PTCHD4: variants seen among roughly 807,000 people sequenced by gnomAD.
The protein encoded by PTCHD4 is patched domain-containing protein 4.
Under a neutral mutation model 58.1 loss-of-function variants are expected in PTCHD4, and 33 were observed. That is an observed-to-expected ratio of 0.57 (90% CI 0.43 to 0.76). The LOEUF (loss-of-function observed/expected upper bound fraction) is 0.76, where lower values mean the gene tolerates loss of function less well. Ranked by LOEUF, PTCHD4 falls within the 30% of genes least tolerant of loss-of-function variation. The pLI is 0.00. For synonymous variants in PTCHD4, 478 were observed against 409.6 expected, an observed-to-expected ratio of 1.17 and a Z score of -2.02; for missense variants, 1,058 against 1,027.1, an observed-to-expected ratio of 1.03 and a Z score of -0.41.
chr6:47,971,612 G>T (rs147277247), intron 4 of PTCHD4, among the ~76,000 whole-genome samples: 1 of 152,168 alleles, frequency 6.6e-6, no homozygotes, highest in Non-Finnish European at 1.5e-5. Context: ...CTGATGTGCA[G>T]CCAAATTATC....
At position 47,868,625 on chromosome 6, in the gene PTCHD4, C is replaced by A. The variant is rs2114073801; in HGVS notation, c.*9678G>T. Among the ~76,000 whole-genome samples the A allele has an allele frequency of 6.6e-6, 1 of 151,850 alleles. No individual in the cohort carries two copies. Among genetic ancestry groups the A allele is most frequent in the South Asian group, 2.1e-4 (1 of 4,828 alleles). On this transcript the variant is annotated 3_prime_UTR_variant, in exon 5 of 5. Transcript: ENST00000339488. ...TTAAAATAAAATCAGTGGAGAATTT[C>A]AACTTGAAGCACATATAAATGACAA... is the stretch of plus-strand genomic sequence containing the variant.
At chr6:47,953,645 C>T (rs535182054) in intron 4 of PTCHD4, among the ~76,000 whole-genome samples, 18 of 152,000 alleles carry the variant, frequency 1.2e-4, no homozygotes, top group East Asian at 5.8e-4. Context: ...AATGAAGCCA[C>T]GTGTATCTCG....
At chr6:47,962,887 C>A (rs1016586698) in intron 4 of PTCHD4, among the ~76,000 whole-genome samples, 1 of 150,556 alleles carries the variant, frequency 6.6e-6, no homozygotes. Context: ...ATGCCAGGTG[C>A]GGTGGCTCAC....
At chr6:48,050,443 G>A (rs911872909) in intron 3 of PTCHD4, among the ~76,000 whole-genome samples, 8 of 151,970 alleles carry the variant, frequency 5.3e-5, no homozygotes, top group Non-Finnish European at 1.2e-4. Flanking sequence ...GGAACTATAT[G>A]GCTGGTCAAT....
intron 4 of PTCHD4, among the ~76,000 whole-genome samples, chr6:47,998,986 C>G (rs566056685): frequency 9.2e-5 from 14 of 152,242 alleles, no homozygotes; most frequent in South Asian, 4.2e-4. Context: ...ATAAAAGCCA[C>G]CAATAAGTCA....
chr6:48,014,269 A>C (rs949614633), intron 3 of PTCHD4, among the ~76,000 whole-genome samples: 2 of 152,164 alleles, frequency 1.3e-5, no homozygotes, highest in Non-Finnish European at 2.9e-5. Flanking sequence ...ACTTTTGTAC[A>C]TTATTTGTAT....
At chr6:48,011,646 C>A (rs992291475) in intron 3 of PTCHD4, among the ~76,000 whole-genome samples, 17 of 152,032 alleles carry the variant, frequency 1.1e-4, no homozygotes, top group Admixed American at 5.2e-4. Context: ...AGGTCTTTGC[C>A]CATGCCTATG....
At chr6:48,109,182 T>G (rs1223336585) in intron 1 of PTCHD4, among the ~76,000 whole-genome samples, 1 of 152,116 alleles carries the variant, frequency 6.6e-6, no homozygotes, top group Non-Finnish European at 1.5e-5. Flanking sequence ...TGTAAGGGAC[T>G]TATGAGTTGT....
Position 47,879,446 on chromosome 6 carries a change from A to G in PTCHD4, c.1389T>C (p.Phe463=). 6.2e-7 allele frequency: 1 copy of G among 1,613,696 alleles called. No homozygotes were observed. The highest frequency in any genetic ancestry group is 8.5e-7 in the Non-Finnish European group (1 of 1,179,748). The change falls in exon 5 of 5, where the codon TTT becomes TTC. Residue 463 remains phenylalanine (F), a synonymous_variant. Coordinates refer to ENST00000339488, the MANE Select transcript of PTCHD4 (RefSeq NM_001384253.1). ...EWITNIYVKP[F]VVILYLIYAS... ...CATAAATGAGATAGAGGATGACAACAAATGGCTTCACATATATATTGGTAA... is the reference window on the plus strand; with the variant it reads ...CATAAATGAGATAGAGGATGACAACGAATGGCTTCACATATATATTGGTAA...
intron 3 of PTCHD4, among the ~76,000 whole-genome samples, chr6:48,038,933 A>T (rs1763744551): frequency 6.6e-6 from 1 of 152,192 alleles, no homozygotes; most frequent in Non-Finnish European, 1.5e-5. Flanking sequence ...TAAGATTCTT[A>T]CTTATTCTGT....
intron 3 of PTCHD4, among the ~76,000 whole-genome samples, chr6:48,049,550 C>T (rs1451910350): frequency 2.6e-5 from 4 of 151,952 alleles, no homozygotes; most frequent in African/African-American, 4.8e-5. Context: ...TCTTGCATTT[C>T]TCCACCTGAT....
intron 4 of PTCHD4, among the ~76,000 whole-genome samples, chr6:47,913,341 T>G (rs921955064): frequency 3.9e-5 from 6 of 152,108 alleles, no homozygotes; most frequent in African/African-American, 1.4e-4. Flanking sequence ...TCATATTTAT[T>G]TCCTCTAATG....
chr6:47,959,086 A>G (rs188924348), intron 4 of PTCHD4, among the ~76,000 whole-genome samples: 1 of 152,376 alleles, frequency 6.6e-6, no homozygotes, highest in East Asian at 1.9e-4. Flanking sequence ...TAAAAGAAGC[A>G]GGAAAATATG....
At chr6:48,029,684 G>T (rs778476053) in intron 3 of PTCHD4, among the ~76,000 whole-genome samples, 12 of 152,000 alleles carry the variant, frequency 7.9e-5, no homozygotes, top group Non-Finnish European at 1.5e-4. Flanking sequence ...CTTATTGAGT[G>T]TTCTTATTTT....
chr6:48,045,836 A>G (rs1260966917), intron 3 of PTCHD4, among the ~76,000 whole-genome samples: 2 of 149,964 alleles, frequency 1.3e-5, no homozygotes, highest in South Asian at 2.1e-4. Flanking sequence ...ACTTTAACGC[A>G]TCTTCATTCC....
chr6:47,922,786 C>T (rs1375179532), intron 4 of PTCHD4, among the ~76,000 whole-genome samples: 1 of 152,164 alleles, frequency 6.6e-6, no homozygotes, highest in Admixed American at 6.5e-5. Context: ...GAGCTCAGTC[C>T]CTTGGATTCA....
At chr6:47,973,104 G>A (rs1255073891) in intron 4 of PTCHD4, among the ~76,000 whole-genome samples, 1 of 152,010 alleles carries the variant, frequency 6.6e-6, no homozygotes, top group Non-Finnish European at 1.5e-5. Flanking sequence ...TCAGAAATGT[G>A]TGCTTAACTT....
Position 47,953,080 on chromosome 6 carries a change from T to TGAG in PTCHD4, c.898+55553_898+55554insCTC, listed in dbSNP as rs1181859521. ...ACATATAATTGTGATAGGATGAGGA[T>TGAG]GATGATGATGATGACGACACTATAA... is the stretch of plus-strand genomic sequence containing the variant. On this transcript the variant is annotated intron_variant, in intron 4 of 4. Transcript: ENST00000339488. Among the ~76,000 whole-genome samples the TGAG allele has an allele frequency of 6.1e-3, 926 of 151,236 alleles. 17 individuals are homozygous for TGAG. Among genetic ancestry groups the TGAG allele is most frequent in the African/African-American group, 0.02 (840 of 41,202 alleles).
At chr6:47,880,447 T>C (rs78146962) in intron 4 of PTCHD4, among the ~76,000 whole-genome samples, 264 of 152,270 alleles carry the variant, frequency 1.7e-3, no homozygotes, top group African/African-American at 5.0e-3. Context: ...ACTGATTTTA[T>C]AATGTTGATA....
Sources: allele counts gnomAD v4.1 joint callset (sites outside exome capture counted in the v4.1 genomes callset), GRCh38; gene constraint gnomAD v4.1.1; transcripts MANE v1.5; gene names NCBI Gene and HGNC (gene_info 2026-07-23, HGNC 2026-07-21).